The following GCKR variants were observed in gnomAD, a reference collection of about 807,000 sequenced individuals.
GCKR encodes glucokinase regulatory protein.
In GCKR, 73 loss-of-function variants were observed where a neutral mutation model predicts 82.9. The observed-to-expected ratio is 0.88, with a 90% CI of 0.73 to 1.07. The LOEUF is 1.07. Among genes scored for constraint, GCKR ranks in the 50% least tolerant of loss-of-function variants. GCKR has a pLI of 0.00. For synonymous variants in GCKR, 294 were observed against 291.8 expected (o/e 1.01, Z -0.08); for missense variants, 784 against 782.1 (o/e 1.00, Z -0.03).
intron 7 of GCKR, among the ~76,000 whole-genome samples, chr2:27,500,542 G>T (rs960534359): frequency 6.6e-6 from 1 of 152,178 alleles, no homozygotes; most frequent in Non-Finnish European, 1.5e-5. Context: ...AGACCATAGG[G>T]CCCACAAACC....
In GCKR at chr2:27,516,283, G is replaced by GTTTTTTTTTTTTTTTTTTTT. The variant is rs35189790; in HGVS notation, c.1423-2499_1423-2480dup. Among the ~76,000 whole-genome samples, 13 of 58,526 alleles carry GTTTTTTTTTTTTTTTTTTTT rather than the reference G, an allele frequency of 2.2e-4. 1 individual carries two copies. The highest frequency in any genetic ancestry group is 7.5e-4 in the Admixed American group (3 of 3,978). The allele number at this position is 58,526 out of a possible 152,430, so 38.4% of individuals were successfully genotyped here. On this transcript the variant is annotated intron_variant, in intron 16 of 18. Transcript: ENST00000264717. ...CCAATAGGGTTTGTTCTTCATTCTT[G>GTTTTTTTTTTTTTTTTTTTT]TTTTTTTTTTTTTTTTTTTTTTTTT...
At position 27,522,516 on chromosome 2, in the gene GCKR, C is replaced by T. The variant is rs1670176302; in HGVS notation, c.1629C>T (p.His543=). 5.0e-6 allele frequency: 8 copies of T among 1,613,842 alleles called. No homozygotes were observed. The East Asian group carries it at 1.8e-4, about 36-fold the overall frequency. ...RCIESLLRAI[H]FPQPLSDDIR... Reference sequence around the variant, plus strand: ...TCGAGAGCCTCCTCCGAGCGATCCACTTTCCCCAGCCACTGTCAGATGATA... The same window carrying T: ...TCGAGAGCCTCCTCCGAGCGATCCATTTTCCCCAGCCACTGTCAGATGATA... Residue 543 remains histidine (H), a synonymous_variant, in exon 18 of 19, where the codon CAC becomes CAT. Coordinates refer to ENST00000264717, the MANE Select transcript of GCKR (RefSeq NM_001486.4).
chr2:27,500,170 A>G (rs1375080203), intron 7 of GCKR, among the ~76,000 whole-genome samples: 1 of 151,952 alleles, frequency 6.6e-6, no homozygotes, highest in African/African-American at 2.4e-5. Context: ...GGCTAACTGC[A>G]GCCTCCTCCT....
In GCKR at chr2:27,498,805, A is replaced by C. The variant is rs1669492196; in HGVS notation, c.428+8A>C. On this transcript the variant is annotated splice_region_variant and intron_variant, in intron 5 of 18. Coordinates refer to ENST00000264717, the MANE Select transcript of GCKR (RefSeq NM_001486.4). ...CATTGCAGGTGGTGACAGGTAAGCC[A>C]AGTTAGCCTATGAATATTTTGTTTG... 6.5e-7 allele frequency: 1 copy of C among 1,530,258 alleles called. No individual in the cohort carries two copies. The highest frequency in any genetic ancestry group is 9.1e-7 in the Non-Finnish European group (1 of 1,103,400). 94.8% of individuals were successfully genotyped at this position (1,530,258 alleles called of 1,614,324 possible). A position where few individuals can be genotyped will look rare whatever the true frequency, so the allele number is the denominator to read the frequency against.
In GCKR at chr2:27,518,817, G is replaced by A; in HGVS notation, c.1452G>A (p.Trp484Ter). Reference protein sequence around the residue: ...QKFQRELSTKWVLNTVSTGAH... With the variant: ...QKFQRELSTK ...TCCAGCGTGAGCTAAGCACCAAATGGGTGCTGAATACAGTGAGTACAGGTG... is the reference window on the plus strand; with the variant it reads ...TCCAGCGTGAGCTAAGCACCAAATGAGTGCTGAATACAGTGAGTACAGGTG... The change falls in exon 17 of 19, where the codon TGG becomes TGA. Residue 484 changes from tryptophan to a stop codon, truncating the protein, a stop_gained. Coordinates refer to ENST00000264717, the MANE Select transcript of GCKR (RefSeq NM_001486.4). LOFTEE classifies it high-confidence loss of function. 2.5e-6 allele frequency: 4 copies of A among 1,613,376 alleles called. No homozygotes were observed. Among genetic ancestry groups the A allele is most frequent in the Non-Finnish European group, 3.4e-6 (4 of 1,179,338 alleles).
At chr2:27,499,319 G>C (rs534572958) in intron 6 of GCKR, 78 bp from the exon 7 acceptor site, 928 of 1,363,872 alleles carry the variant, frequency 6.8e-4, no homozygotes, top group Non-Finnish European at 9.0e-4. Context: ...CCTGTTCCTG[G>C]CCCTGATATC....
chr2:27,503,604 C>G lies in GCKR; in HGVS notation c.735C>G (p.Leu245=). The part of the protein sequence containing the change: ...KMQEKQKAFV[L]NPAIGPEGLS... ...AGGAGAAACAGAAAGCTTTTGTGCT[C>G]AATCCTGCCATCGGGGTAGGGCCTC... The change falls in exon 9 of 19, where the codon CTC becomes CTG. Residue 245 remains leucine, a synonymous_variant. Coordinates refer to ENST00000264717, the MANE Select transcript of GCKR (RefSeq NM_001486.4). 6.3e-7 allele frequency: 1 copy of G among 1,592,090 alleles called. No homozygotes were observed. Among genetic ancestry groups the G allele is most frequent in the Non-Finnish European group, 8.6e-7 (1 of 1,159,882 alleles).
At chr2:27,506,189 C>T (rs191718202) in intron 10 of GCKR, among the ~76,000 whole-genome samples, 269 of 152,260 alleles carry the variant, frequency 1.8e-3, no homozygotes, top group African/African-American at 6.2e-3. Flanking sequence ...TCCAGGGTCT[C>T]TAGCCTCACT....
intron 2 of GCKR, 36 bp from the exon 3 acceptor site, chr2:27,497,525 CT>C: frequency 6.3e-7 from 1 of 1,582,780 alleles, no homozygotes; most frequent in Non-Finnish European, 8.7e-7. Flanking sequence ...CATCGTCCTC[CT>C]TTTCTTGGCT....
intron 4 of GCKR, among the ~76,000 whole-genome samples, 170 bp from the exon 5 acceptor site, chr2:27,498,554 C>T (rs901617999): frequency 7.9e-5 from 12 of 152,178 alleles, no homozygotes; most frequent in African/African-American, 1.2e-4. Flanking sequence ...CATGCACCAC[C>T]GACTAATCAT....
Position 27,498,772 on chromosome 2 carries a change from A to G in GCKR, c.403A>G (p.Thr135Ala). 6.2e-7 allele frequency: 1 copy of G among 1,606,990 alleles called. No individual in the cohort carries two copies. The highest frequency in any genetic ancestry group is 8.5e-7 in the Non-Finnish European group (1 of 1,173,602). Residue 135 changes from threonine (T) to alanine (A), a missense_variant, in exon 5 of 19, where the codon ACC becomes GCC. Coordinates refer to ENST00000264717, the MANE Select transcript of GCKR (RefSeq NM_001486.4). ...AGGTCTGGGACAGAAACCTCTTTAC[A>G]CCTACCTCATTGCAGGTGGTGACAG... ...MKGLGQKPLY[T>A]YLIAGGDRSV...
Position 27,523,543 on chromosome 2 carries a change from G to T in GCKR, c.*104G>T. 8.6e-7 allele frequency: 1 copy of T among 1,166,038 alleles called. No homozygotes were observed. The highest frequency in any genetic ancestry group is 1.3e-6 in the Non-Finnish European group (1 of 792,826). 72.2% of individuals were successfully genotyped at this position (1,166,038 alleles called of 1,614,324 possible). ...AGAACATGTGGGAGGAAGAAGCCCCGTTTCCAGGGCATCCGCAGCCCAGGG... is the reference window on the plus strand; with the variant it reads ...AGAACATGTGGGAGGAAGAAGCCCCTTTTCCAGGGCATCCGCAGCCCAGGG... On this transcript the variant is annotated 3_prime_UTR_variant, in exon 19 of 19. Coordinates refer to ENST00000264717, the MANE Select transcript of GCKR (RefSeq NM_001486.4).
rs1414321043 is a variant in GCKR, at chr2:27,506,551, G to T, written c.940G>T (p.Ala314Ser). The T allele has an allele frequency of 2.5e-6, 4 of 1,613,032 alleles. No homozygotes were observed. In the East Asian group the frequency reaches 8.9e-5, roughly 36 times the overall value. The change falls in exon 11 of 19, where the codon GCC (alanine) becomes TCC (serine). Residue 314 changes from alanine (A) to serine (S), a missense_variant. By Grantham distance (99) the Ala-to-Ser change is moderately conservative (BLOSUM62 1). Transcript: ENST00000264717. ...GACCTACAGCCAAAGCCCCAAGATTGCCACCCTGATGAAGAGTGTCAGCAC... is the reference window on the plus strand; with the variant it reads ...GACCTACAGCCAAAGCCCCAAGATTTCCACCCTGATGAAGAGTGTCAGCAC... ...QVTYSQSPKI[A>S]TLMKSVSTSL...
At chr2:27,514,274 CAT>C (rs1669953199) in intron 16 of GCKR, among the ~76,000 whole-genome samples, 1 of 152,008 alleles carries the variant, frequency 6.6e-6, no homozygotes, top group East Asian at 1.9e-4. Context: ...TATACACACA[CAT>C]ACATCTATAT....
intron 12 of GCKR, 94 bp downstream of exon 12, chr2:27,506,979 G>A: frequency 2.3e-6 from 2 of 858,532 alleles, no homozygotes; most frequent in South Asian, 1.3e-5. Context: ...ACCCATGGGT[G>A]TTCCTCAGTG....
intron 16 of GCKR, among the ~76,000 whole-genome samples, chr2:27,509,143 A>T (rs1038216227): frequency 2.0e-5 from 3 of 152,012 alleles, no homozygotes; most frequent in Non-Finnish European, 4.4e-5. Flanking sequence ...CCCACCCTCC[A>T]TGGGCAGAAT....
chr2:27,509,507 T>G (rs1222368198), intron 16 of GCKR: 2 of 445,604 alleles, frequency 4.5e-6, no homozygotes, highest in African/African-American at 4.0e-5. Flanking sequence ...GACTGGCTAA[T>G]TTTTGTATTT....
At chr2:27,504,864 C>T (rs1280147336) in intron 9 of GCKR, among the ~76,000 whole-genome samples, 5 of 151,862 alleles carry the variant, frequency 3.3e-5, no homozygotes, top group Admixed American at 1.3e-4. Flanking sequence ...TAGTGGCTCA[C>T]GCCTGTAATC....
At position 27,508,187 on chromosome 2, in the gene GCKR, T is replaced by G; in HGVS notation, c.1358T>G (p.Phe453Cys). The G allele has an allele frequency of 6.2e-7, 1 of 1,612,198 alleles. No homozygotes were observed. The highest frequency in any genetic ancestry group is 8.5e-7 in the Non-Finnish European group (1 of 1,178,204). Residue 453 changes from phenylalanine (F) to cysteine (C), a missense_variant, in exon 16 of 19, where the codon TTT (phenylalanine) becomes TGT (cysteine). Transcript: ENST00000264717. ...CTCCAGATCCCTCTGAAGAAGCTCT[T>G]TCCCTCCATCATCAGCATCACATGG... The part of the protein sequence containing the change: ...QTLLIPLKKL[F>C]PSIISITWPL...
Sources: gnomAD v4.1 joint callset for allele counts (sites outside exome capture counted in the v4.1 genomes callset) on GRCh38, gnomAD v4.1.1 for gene constraint, MANE v1.5 for transcripts, NCBI Gene and HGNC (gene_info 2026-07-23, HGNC 2026-07-21) for gene names.